The following C13orf42 variants were observed in gnomAD, a reference collection of about 807,000 sequenced individuals.
C13orf42 encodes the protein chromosome 13 open reading frame 42.
rs901282424 is a variant in C13orf42, at chr13:51,110,702, T to C, written c.414+94A>G. On this transcript the variant is annotated intron_variant, in intron 1 of 3. Coordinates refer to ENST00000563710, the MANE Select transcript of C13orf42 (RefSeq NM_001351589.3). ...CGCGGCTCAGAATGTGTCAGATTAA[T>C]TAAGCCATGCAGAGGTAGGAAGAAG... 7 of 397,592 alleles carry C rather than the reference T, an allele frequency of 1.8e-5. No individual in the cohort carries two copies. In the East Asian group the frequency reaches 2.1e-4, roughly 12 times the overall value. 24.6% of individuals were successfully genotyped at this position (397,592 alleles called of 1,614,324 possible).
intron 1 of C13orf42, among the ~76,000 whole-genome samples, chr13:51,139,003 C>T (rs924656896): frequency 6.6e-6 from 1 of 152,142 alleles, no homozygotes; most frequent in African/African-American, 2.4e-5. Context: ...TATGATTTCC[C>T]TTCTATGAGG....
intron 1 of C13orf42, among the ~76,000 whole-genome samples, chr13:51,140,105 G>A (rs570878904): frequency 6.6e-6 from 1 of 152,330 alleles, no homozygotes; most frequent in Non-Finnish European, 1.5e-5. Context: ...TGCTCACTGA[G>A]ATAGGTGCAT....
Position 51,153,645 on chromosome 13 carries a change from T to G in C13orf42, n.136+18608A>C, listed in dbSNP as rs1194571192. 8.7e-5 allele frequency among the ~76,000 whole-genome samples: 12 copies of G among 137,972 alleles called. No individual in the cohort carries two copies. In the East Asian group the frequency reaches 2.3e-3, roughly 26 times the overall value. The allele number at this position is 137,972 out of a possible 152,430, so 90.5% of individuals were successfully genotyped here. Reference sequence around the variant, plus strand: ...TGTTTTTTTTCTTTTTTTTTTTTTTTTTTTTTTTTTTGGAGACAGGATCTC... The same window carrying G: ...TGTTTTTTTTCTTTTTTTTTTTTTTGTTTTTTTTTTTGGAGACAGGATCTC... On this transcript the variant is annotated intron_variant and non_coding_transcript_variant, in intron 1 of 4. Coordinates refer to the C13orf42 transcript ENST00000433280.
chr13:51,163,707 C>T (rs1199094450), intron 1 of C13orf42, among the ~76,000 whole-genome samples: 1 of 152,078 alleles, frequency 6.6e-6, no homozygotes, highest in African/African-American at 2.4e-5. Flanking sequence ...TCCAGGCTGG[C>T]CCCTGCTGGG....
chr13:51,128,053 C>G (rs1953589560), intron 1 of C13orf42, among the ~76,000 whole-genome samples: 1 of 152,218 alleles, frequency 6.6e-6, no homozygotes, highest in South Asian at 2.1e-4. Flanking sequence ...GTCCTCACTG[C>G]TACACTCCCA....
chr13:51,116,882 G>T (rs1239776369), intron 1 of C13orf42, among the ~76,000 whole-genome samples: 1 of 152,228 alleles, frequency 6.6e-6, no homozygotes, highest in Non-Finnish European at 1.5e-5. Flanking sequence ...TCTCCAGTGA[G>T]GTGGCCGGAA....
chr13:51,086,046 CCTGTAATCCCAA>C (rs1953120902), intron 2 of C13orf42, among the ~76,000 whole-genome samples: 1 of 151,476 alleles, frequency 6.6e-6, no homozygotes, highest in Non-Finnish European at 1.5e-5. Flanking sequence ...GTGGCTCACA[CCTGTAATCCCAA>C]CACTTTGGGA....
chr13:51,172,202 C>G (rs1461593757), intron 1 of C13orf42: 1 of 152,184 alleles, frequency 6.6e-6, no homozygotes, highest in East Asian at 1.9e-4. Flanking sequence ...TCCTCCTAAG[C>G]CGCGTCCCAT....
intron 1 of C13orf42, among the ~76,000 whole-genome samples, chr13:51,153,164 A>G (rs1361488054): frequency 1.3e-5 from 2 of 152,152 alleles, no homozygotes; most frequent in Admixed American, 1.3e-4. Flanking sequence ...AGCTCCTGCC[A>G]TTGCACCTGC....
intron 1 of C13orf42, among the ~76,000 whole-genome samples, chr13:51,153,218 G>A (rs1049565753): frequency 6.6e-6 from 1 of 152,120 alleles, no homozygotes; most frequent in Non-Finnish European, 1.5e-5. Context: ...CCCCTGTCCT[G>A]CCAAGTGACC....
At chr13:51,171,290 T>C (rs1352397833) in intron 1 of C13orf42, among the ~76,000 whole-genome samples, 2 of 152,070 alleles carry the variant, frequency 1.3e-5, no homozygotes, top group Admixed American at 1.3e-4. Flanking sequence ...AGCCAGAAAA[T>C]GGCACTTTGA....
At position 51,106,680 on chromosome 13, in the gene C13orf42, G is replaced by A. The variant is rs575994868; in HGVS notation, c.414+4116C>T. Among the ~76,000 whole-genome samples the A allele has an allele frequency of 4.6e-5, 7 of 152,248 alleles. No individual in the cohort carries two copies. The South Asian group carries it at 1.5e-3, about 32-fold the overall frequency. On this transcript the variant is annotated intron_variant, in intron 1 of 3. Transcript: ENST00000563710. ...TGGGAGCAGGGGAAGTGGGTGTAGA[G>A]GAGAACATCATTGCTCCTCCTGACT...
chr13:51,085,961 G>A (rs1166722392), intron 2 of C13orf42, among the ~76,000 whole-genome samples: 1 of 152,040 alleles, frequency 6.6e-6, no homozygotes, highest in Non-Finnish European at 1.5e-5. Context: ...AGGTAGCAAT[G>A]AGCCGAGACT....
chr13:51,115,119 T>G (rs1953477558), upstream of C13orf42, among the ~76,000 whole-genome samples: 1 of 152,222 alleles, frequency 6.6e-6, no homozygotes, highest in South Asian at 2.1e-4. Flanking sequence ...TTACTACTAC[T>G]TCTACTTCAC....
chr13:51,133,263 G>C (rs1473824417), intron 1 of C13orf42, among the ~76,000 whole-genome samples: 1 of 152,164 alleles, frequency 6.6e-6, no homozygotes, highest in Non-Finnish European at 1.5e-5. Flanking sequence ...GTAACACCTA[G>C]AGTAGTCAGA....
rs557636270 is a variant in C13orf42 at position 51,152,162 on chromosome 13, C to G, written n.136+20091G>C. ...TTGTTTACATATGTAACCCTGATAG[C>G]ATGGAGGTCCCTCAGAACATTCCTA... On this transcript the variant is annotated intron_variant and non_coding_transcript_variant, in intron 1 of 4. Coordinates refer to the C13orf42 transcript ENST00000433280. Among the ~76,000 whole-genome samples the G allele has an allele frequency of 2.6e-5, 4 of 152,344 alleles. No homozygotes were observed. The East Asian group carries it at 7.7e-4, about 29-fold the overall frequency.
At chr13:51,098,890 G>A (rs1010609507) in intron 1 of C13orf42, among the ~76,000 whole-genome samples, 31 of 151,818 alleles carry the variant, frequency 2.0e-4, no homozygotes, top group African/African-American at 7.5e-4. Flanking sequence ...TTTCTGTGAG[G>A]TACTAATAAT....
At chr13:51,167,248 C>A (rs567883479) in intron 1 of C13orf42, among the ~76,000 whole-genome samples, 4 of 152,156 alleles carry the variant, frequency 2.6e-5, no homozygotes, top group Non-Finnish European at 5.9e-5. Context: ...ACAACACACA[C>A]ACACACTCAA....
chr13:51,100,398 C>G (rs1593532599), intron 1 of C13orf42, among the ~76,000 whole-genome samples: 1 of 151,996 alleles, frequency 6.6e-6, no homozygotes, highest in Admixed American at 6.6e-5. Context: ...AGACAATGCG[C>G]TAATATCCTC....
Sources: allele counts gnomAD v4.1 joint callset (sites outside exome capture counted in the v4.1 genomes callset), GRCh38; gene constraint gnomAD v4.1.1; transcripts MANE v1.5; gene names NCBI Gene and HGNC (gene_info 2026-07-23, HGNC 2026-07-21).